The following GPR157 variants were observed in gnomAD, a reference collection of about 807,000 sequenced individuals.
GPR157 encodes G protein-coupled receptor 157.
A neutral mutation model predicts 23.5 loss-of-function variants in GPR157; 16 were observed. The ratio of observed to expected loss-of-function variants is 0.68; its 90% CI spans 0.46 to 1.04. GPR157 has a LOEUF of 1.04. GPR157 is among the 50% of genes least tolerant of loss of function. GPR157 has a pLI of 0.00. For synonymous variants in GPR157, 200 were observed against 221.5 expected, an observed-to-expected ratio of 0.90 and a Z score of 0.86; for missense variants, 440 against 460.7, an observed-to-expected ratio of 0.96 and a Z score of 0.41.
chr1:9,111,752 T>C (rs1638502968), intron 1 of GPR157, among the ~76,000 whole-genome samples: 1 of 152,128 alleles, frequency 6.6e-6, no homozygotes, highest in Non-Finnish European at 1.5e-5. Flanking sequence ...TTTGCATACA[T>C]GTGTGTACAG....
At position 9,110,288 on chromosome 1, in the gene GPR157, C is replaced by T. The variant is rs186027666; in HGVS notation, c.597+988G>A. Among the ~76,000 whole-genome samples the T allele has an allele frequency of 2.8e-3, 426 of 152,256 alleles. 3 individuals carry two copies. The highest frequency in any genetic ancestry group is 4.4e-3 in the Admixed American group (68 of 15,302). On this transcript the variant is annotated intron_variant, in intron 2 of 3. Transcript: ENST00000377411. The stretch of plus-strand genomic sequence containing the variant: ...CTGTAATCCCAGCATTTTGGGAGTC[C>T]GAGGTGGGCGGATCACTTGAGGTCA...
chr1:9,124,470 C>A (rs978674538), intron 1 of GPR157, among the ~76,000 whole-genome samples: 13 of 152,160 alleles, frequency 8.5e-5, no homozygotes, highest in Non-Finnish European at 1.5e-4. Flanking sequence ...GATTCCTATC[C>A]CAGAAAAGCA....
In GPR157 at chr1:9,104,288, G is replaced by A. The variant is rs1642606823; in HGVS notation, c.*131C>T. The stretch of plus-strand genomic sequence containing the variant: ...TGAGTTGGCAGCTGCTCTCCCAATG[G>A]AGCCGAGAGCATCAATAGCGGGGGC... On this transcript the variant is annotated 3_prime_UTR_variant, in exon 4 of 4. Transcript: ENST00000377411. 1.5e-6 allele frequency: 1 copy of A among 668,902 alleles called. No individual in the cohort carries two copies. Among genetic ancestry groups the A allele is most frequent in the Non-Finnish European group, 2.6e-6 (1 of 389,534 alleles). 41.4% of individuals were successfully genotyped at this position (668,902 alleles called of 1,614,324 possible).
intron 1 of GPR157, among the ~76,000 whole-genome samples, chr1:9,121,500 C>A (rs1003586253): frequency 1.4e-5 from 2 of 145,174 alleles, no homozygotes; most frequent in African/African-American, 5.1e-5. Context: ...ATTAGCCAGA[C>A]GTGGTGGTGT....
In GPR157 at chr1:9,123,174, A is replaced by AAAAAATATATATATAT. The variant is rs1553175764; in HGVS notation, c.383+5470_383+5471insATATATATATATTTTT. Among the ~76,000 whole-genome samples the AAAAAATATATATATAT allele has an allele frequency of 1.1e-3, 128 of 117,072 alleles. 1 individual carries two copies. The highest frequency in any genetic ancestry group is 4.1e-3 in the African/African-American group (122 of 29,410). The allele number at this position is 117,072 out of a possible 152,430, so 76.8% of individuals were successfully genotyped here. On this transcript the variant is annotated intron_variant, in intron 1 of 3. Coordinates refer to ENST00000377411, the MANE Select transcript of GPR157 (RefSeq NM_024980.5). ...ACTGTCTTGGGTGGGAAAAAAAAAAAATATATATATATATATATAAATAAA... is the reference window on the plus strand; with the variant it reads ...ACTGTCTTGGGTGGGAAAAAAAAAAAAAAAATATATATATATATATATATATATATATATAAATAAA...
intron 2 of GPR157, among the ~76,000 whole-genome samples, chr1:9,107,232 C>T (rs962683015): frequency 3.9e-5 from 6 of 152,136 alleles, no homozygotes; most frequent in African/African-American, 1.2e-4. Flanking sequence ...AACGTGAGCT[C>T]GAGCCAGACT....
At chr1:9,104,954 C>T (rs1638249011) in intron 3 of GPR157, among the ~76,000 whole-genome samples, 1 of 151,116 alleles carries the variant, frequency 6.6e-6, no homozygotes, top group African/African-American at 2.4e-5. Context: ...GAGCCGAGAT[C>T]CCACCACTGC....
chr1:9,128,504 G>A lies in GPR157; in HGVS notation c.383+141C>T, dbSNP rs1639014225. 3.7e-6 allele frequency: 3 copies of A among 814,422 alleles called. No homozygotes were observed. The highest frequency in any genetic ancestry group is 3.1e-5 in the South Asian group (2 of 64,054). The allele number at this position is 814,422 out of a possible 1,614,324, so 50.4% of individuals were successfully genotyped here. A position where few individuals can be genotyped will look rare whatever the true frequency, so the allele number is the denominator to read the frequency against. On this transcript the variant is annotated intron_variant, in intron 1 of 3. Coordinates refer to ENST00000377411, the MANE Select transcript of GPR157 (RefSeq NM_024980.5). The surrounding 1 kb of genome is among the most constrained non-coding windows in gnomAD (Gnocchi z 6.3). ...AGGCTGGCCTCCTCCCGCTGGCCCA[G>A]GACAGCCTCGGGGGCGCCAGCAGGC...
intron 1 of GPR157, among the ~76,000 whole-genome samples, chr1:9,125,216 T>C (rs970138223): frequency 2.0e-5 from 3 of 152,112 alleles, no homozygotes; most frequent in Non-Finnish European, 4.4e-5. Flanking sequence ...TTACTTTTTT[T>C]TTCTTTTTCT....
rs372586858 is a variant in GPR157, at chr1:9,111,236, G to A, written c.597+40C>T. On this transcript the variant is annotated intron_variant, in intron 2 of 3. Transcript: ENST00000377411. ...GCCAGGCCTTGCACCTGGGCACAGC[G>A]GCCATGCAGAGGGCCCTGAGCTCTA... 7.5e-6 allele frequency: 12 copies of A among 1,590,186 alleles called. No individual in the cohort carries two copies. The African/African-American group carries it at 8.1e-5, about 11-fold the overall frequency.
intron 1 of GPR157, among the ~76,000 whole-genome samples, chr1:9,114,746 G>GGC (rs1638598567): frequency 6.6e-6 from 1 of 151,992 alleles, no homozygotes; most frequent in Admixed American, 6.6e-5. Flanking sequence ...AGAGGGTTTT[G>GGC]AAAGGGTTAA....
At position 9,105,389 on chromosome 1, in the gene GPR157, G is replaced by C. The variant is rs1638266852; in HGVS notation, c.792+97C>G. On this transcript the variant is annotated intron_variant, in intron 3 of 3. Coordinates refer to ENST00000377411, the MANE Select transcript of GPR157 (RefSeq NM_024980.5). The surrounding 1 kb of genome is among the most constrained non-coding windows in gnomAD (Gnocchi z 4.8). Reference sequence around the variant, plus strand: ...GAGCTCCTCCCTGCAGCTGTGCCTTGGCCGACACTGGGGTGCAGCCACTGT... The same window carrying C: ...GAGCTCCTCCCTGCAGCTGTGCCTTCGCCGACACTGGGGTGCAGCCACTGT... The C allele has an allele frequency of 4.3e-6, 5 of 1,149,728 alleles. No individual in the cohort carries two copies. Among genetic ancestry groups the C allele is most frequent in the Non-Finnish European group, 3.7e-6 (3 of 819,928 alleles). 71.2% of individuals were successfully genotyped at this position (1,149,728 alleles called of 1,614,324 possible). A position where few individuals can be genotyped will look rare whatever the true frequency, so the allele number is the denominator to read the frequency against.
rs1638774189 is a variant in GPR157 at position 9,120,395 on chromosome 1, TTAACA to T, written c.383+8245_383+8249del. On this transcript the variant is annotated intron_variant, in intron 1 of 3. Coordinates refer to ENST00000377411, the MANE Select transcript of GPR157 (RefSeq NM_024980.5). This position sits in a 1 kb window ranked among gnomAD's most constrained non-coding sequence, Gnocchi z 4.1. The stretch of plus-strand genomic sequence containing the variant: ...GTAGGTACCATGAGACCTGGGGATG[TTAACA>T]TAACTCAGAAAACGCTTTGAGAACC... Among the ~76,000 whole-genome samples the T allele has an allele frequency of 6.6e-6, 1 of 152,112 alleles. No homozygotes were observed. Among genetic ancestry groups the T allele is most frequent in the Non-Finnish European group, 1.5e-5 (1 of 68,010 alleles).
rs201633060 is a variant in GPR157 at position 9,104,411 on chromosome 1, A to G, written c.*8T>C. 3 of 1,611,320 alleles carry G rather than the reference A, an allele frequency of 1.9e-6. No homozygotes were observed. Among genetic ancestry groups the G allele is most frequent in the African/African-American group, 2.7e-5 (2 of 74,944 alleles). ...GCACCTATGCACAGAACTAGAAAGG[A>G]CAAAAGCTCAGGTGCTTGGAAGTTC... On this transcript the variant is annotated 3_prime_UTR_variant, in exon 4 of 4. Coordinates refer to ENST00000377411, the MANE Select transcript of GPR157 (RefSeq NM_024980.5).
chr1:9,104,731 T>G, intron 3 of GPR157, 97 bp from the exon 4 acceptor site: 1 of 872,788 alleles, frequency 1.1e-6, no homozygotes, highest in Non-Finnish European at 1.8e-6. Flanking sequence ...CTGGGTGCGG[T>G]GGCTCACACC....
chr1:9,128,646 TGAC>T lies in GPR157; in HGVS notation c.379_381del (p.Val127del). On this transcript the variant is annotated inframe_deletion and splice_region_variant, in exon 1 of 4. Coordinates refer to ENST00000377411, the MANE Select transcript of GPR157 (RefSeq NM_024980.5). The surrounding 1 kb of genome is among the most constrained non-coding windows in gnomAD (Gnocchi z 6.3). Reference sequence around the variant, plus strand: ...AAAAGCAGCGCCACCGCCACCCACCTGACGACATGGAAGGCCCAAAGCAGGCGA... The same window carrying T: ...AAAAGCAGCGCCACCGCCACCCACCTGACATGGAAGGCCCAAAGCAGGCGA... 1.2e-6 allele frequency: 2 copies of T among 1,612,666 alleles called. No individual in the cohort carries two copies. The highest frequency in any genetic ancestry group is 1.7e-6 in the Non-Finnish European group (2 of 1,179,762).
chr1:9,104,229 C>T lies in GPR157; in HGVS notation c.*190G>A, dbSNP rs1396968596. 1 of 585,452 alleles carries T rather than the reference C, an allele frequency of 1.7e-6. No homozygotes were observed. Among genetic ancestry groups the T allele is most frequent in the African/African-American group, 1.9e-5 (1 of 53,662 alleles). The allele number at this position is 585,452 out of a possible 1,614,324, so 36.3% of individuals were successfully genotyped here. On this transcript the variant is annotated 3_prime_UTR_variant, in exon 4 of 4. Coordinates refer to ENST00000377411, the MANE Select transcript of GPR157 (RefSeq NM_024980.5). ...GGCCAGGACGCTGGTACCGGTGGAA[C>T]TTGCTGCCTGAGGATCTAGGAGGTA...
chr1:9,123,382 ATAT>A (rs1298488092), intron 1 of GPR157, among the ~76,000 whole-genome samples: 1 of 37,556 alleles, frequency 2.7e-5, no homozygotes, highest in Non-Finnish European at 5.5e-5. Context: ...TTAAATATAT[ATAT>A]TTAATTTAAA....
At chr1:9,113,254 C>A (rs962756697) in intron 1 of GPR157, among the ~76,000 whole-genome samples, 2 of 152,170 alleles carry the variant, frequency 1.3e-5, no homozygotes, top group Non-Finnish European at 2.9e-5. Context: ...TACCCCTGTC[C>A]TAGGTCAGGT....
Sources: gnomAD v4.1 joint callset for allele counts (sites outside exome capture counted in the v4.1 genomes callset) on GRCh38, gnomAD v4.1.1 for gene constraint, Gnocchi (gnomAD v3.1) non-coding constraint, MANE v1.5 for transcripts, NCBI Gene and HGNC (gene_info 2026-07-23, HGNC 2026-07-21) for gene names.